The following LMNB2 variants were observed in gnomAD, a reference collection of about 807,000 sequenced individuals.
LMNB2 encodes lamin B2, also known as lamin-B2.
Under a neutral mutation model 69.3 loss-of-function variants are expected in LMNB2, and 17 were observed. That is an observed-to-expected ratio of 0.25 (90% CI 0.17 to 0.37). LMNB2 has a LOEUF of 0.37. LMNB2 is among the 10% of genes least tolerant of loss of function. The pLI is 1.00. For missense variants in LMNB2, 789 were observed against 883.6 expected, an observed-to-expected ratio of 0.89 and a Z score of 1.36; for synonymous variants, 397 against 389.3, an observed-to-expected ratio of 1.02 and a Z score of -0.23.
Position 2,428,255 on chromosome 19 carries a change from A to G in LMNB2, c.*2656T>C, listed in dbSNP as rs1050009. On this transcript the variant is annotated 3_prime_UTR_variant, in exon 12 of 12. Transcript: ENST00000325327. ...AATCATTGGAAAAAAAAAAGAACAC[A>G]TTAGGCATGCATCTTCTTAAAAACC... 0.043 allele frequency: 6,538 copies of G among 152,204 alleles called. 161 individuals carry two copies. The highest frequency in any genetic ancestry group is 0.051 in the Non-Finnish European group (3,460 of 68,004). The allele number at this position is 152,204 out of a possible 1,614,324, so 9.4% of individuals were successfully genotyped here.
intron 2 of LMNB2, among the ~76,000 whole-genome samples, chr19:2,439,475 C>T (rs1971868898): frequency 6.6e-6 from 1 of 152,138 alleles, no homozygotes; most frequent in South Asian, 2.1e-4. Flanking sequence ...CTGTCCCTGG[C>T]CTCCACCCAC....
In LMNB2 at chr19:2,453,151, C is replaced by G. The variant is rs572604088; in HGVS notation, c.264+3519G>C. 6.6e-6 allele frequency among the ~76,000 whole-genome samples: 1 copy of G among 152,208 alleles called. No individual in the cohort carries two copies. Among genetic ancestry groups the G allele is most frequent in the East Asian group, 1.9e-4 (1 of 5,182 alleles). ...TCTCGGGGCGCTGAGCAGTACCCAG[C>G]CTCCACCCACGCTGTGCCGATGCCG... On this transcript the variant is annotated intron_variant, in intron 1 of 11. Transcript: ENST00000325327. The surrounding 1 kb of genome is among the most constrained non-coding windows in gnomAD (Gnocchi z 4.4).
Position 2,430,681 on chromosome 19 carries a change from TGAG to T in LMNB2, c.*227_*229del. The T allele has an allele frequency of 1.6e-6, 1 of 608,770 alleles. No individual in the cohort carries two copies. The allele number at this position is 608,770 out of a possible 1,614,324, so 37.7% of individuals were successfully genotyped here. ...CTTCCAATTTGACCAAATGGTGAGA[TGAG>T]GAGTGGGGTGGGATTGAAAAGTCTC... is the stretch of plus-strand genomic sequence containing the variant. On this transcript the variant is annotated 3_prime_UTR_variant, in exon 12 of 12. Transcript: ENST00000325327.
In LMNB2 at chr19:2,437,969, C is replaced by T. The variant is rs543694520; in HGVS notation, c.684+194G>A. ...AGAGTATGGACACAGGGGAGGCAGC[C>T]GCGGGAAGACAGAGGCAGACACTGG... On this transcript the variant is annotated intron_variant, in intron 4 of 11. Transcript: ENST00000325327. 3.3e-5 allele frequency among the ~76,000 whole-genome samples: 5 copies of T among 152,200 alleles called. No homozygotes were observed. The South Asian group carries it at 6.2e-4, about 19-fold the overall frequency.
chr19:2,435,999 A>G (rs533815591), intron 4 of LMNB2, among the ~76,000 whole-genome samples: 1 of 152,188 alleles, frequency 6.6e-6, no homozygotes, highest in African/African-American at 2.4e-5. Context: ...AAATACAAAA[A>G]TTAGGCCGGG....
In LMNB2 at chr19:2,453,048, GGGGGCTGGGTCATCCTCAT is replaced by G. The variant is rs1282800798; in HGVS notation, c.264+3603_264+3621del. ...CTCGTGGGGGCTGGGTCATCCTCGT[GGGGGCTGGGTCATCCTCAT>G]GGGGCTGGGTCATCCTCGTGAGGGC... On this transcript the variant is annotated intron_variant, in intron 1 of 11. Coordinates refer to ENST00000325327, the MANE Select transcript of LMNB2 (RefSeq NM_032737.4). This position sits in a 1 kb window ranked among gnomAD's most constrained non-coding sequence, Gnocchi z 4.4. 4.3e-5 allele frequency among the ~76,000 whole-genome samples: 6 copies of G among 139,484 alleles called. No homozygotes were observed. Among genetic ancestry groups the G allele is most frequent in the South Asian group, 2.3e-4 (1 of 4,274 alleles). The allele number at this position is 139,484 out of a possible 152,430, so 91.5% of individuals were successfully genotyped here. A position where few individuals can be genotyped will look rare whatever the true frequency, so the allele number is the denominator to read the frequency against.
intron 1 of LMNB2, among the ~76,000 whole-genome samples, chr19:2,455,917 C>T (rs1355007556): frequency 6.6e-6 from 1 of 151,724 alleles, no homozygotes; most frequent in Admixed American, 6.6e-5. Flanking sequence ...GCACCCCTCA[C>T]TCAGGGACCC....
At chr19:2,434,566 C>A in intron 6 of LMNB2, 51 bp from the exon 7 acceptor site, 1 of 1,581,526 alleles carries the variant, frequency 6.3e-7, no homozygotes, top group East Asian at 2.3e-5. Flanking sequence ...GGTCACAAGG[C>A]CCAGGTGATC....
In LMNB2 at chr19:2,452,933, C is replaced by T. The variant is rs568231112; in HGVS notation, c.264+3737G>A. The stretch of plus-strand genomic sequence containing the variant: ...GGGGGATGGGTCATCCTCATGGGGG[C>T]TGCGTCATCCTCATGGGGGCTGGGT... On this transcript the variant is annotated intron_variant, in intron 1 of 11. Transcript: ENST00000325327. Among the ~76,000 whole-genome samples the T allele has an allele frequency of 4.9e-5, 7 of 141,496 alleles. No homozygotes were observed. The South Asian group carries it at 1.1e-3, about 23-fold the overall frequency. The allele number at this position is 141,496 out of a possible 152,430, so 92.8% of individuals were successfully genotyped here.
chr19:2,431,967 G>A, intron 9 of LMNB2, 65 bp from the exon 10 acceptor site: 1 of 1,553,994 alleles, frequency 6.4e-7, no homozygotes, highest in Non-Finnish European at 8.7e-7. Flanking sequence ...GGGCCAGCCA[G>A]TGGCCCCTAC....
chr19:2,434,617 A>G (rs1394846067), intron 6 of LMNB2, 102 bp from the exon 7 acceptor site: 12 of 1,510,892 alleles, frequency 7.9e-6, no homozygotes, highest in South Asian at 2.4e-5. Flanking sequence ...AGACTGGGGC[A>G]GAGACCAGGC....
In LMNB2 at chr19:2,447,505, C is replaced by T. The variant is rs539414942; in HGVS notation, c.265-2965G>A. 1.3e-4 allele frequency among the ~76,000 whole-genome samples: 20 copies of T among 152,276 alleles called. No individual in the cohort carries two copies. In the South Asian group the frequency reaches 4.2e-3, roughly 32 times the overall value. On this transcript the variant is annotated intron_variant, in intron 1 of 11. Transcript: ENST00000325327. The surrounding 1 kb of genome is among the most constrained non-coding windows in gnomAD (Gnocchi z 4.4). Reference sequence around the variant, plus strand: ...ATTGGACACATTGGTGGTGGCACAGCTGTGGAGATATGAAAACGCGAAACC... The same window carrying T: ...ATTGGACACATTGGTGGTGGCACAGTTGTGGAGATATGAAAACGCGAAACC...
intron 2 of LMNB2, among the ~76,000 whole-genome samples, chr19:2,440,022 G>GC (rs1157910806): frequency 3.9e-5 from 6 of 152,098 alleles, no homozygotes; most frequent in African/African-American, 1.4e-4. Flanking sequence ...GTGAACCACT[G>GC]CGCCTGGTCC....
chr19:2,442,130 A>G (rs1373412549), intron 2 of LMNB2, among the ~76,000 whole-genome samples: 1 of 152,030 alleles, frequency 6.6e-6, no homozygotes, highest in Non-Finnish European at 1.5e-5. Flanking sequence ...TGTTTCTCTC[A>G]TTGTGGGGTT....
chr19:2,429,401 C>T lies in LMNB2; in HGVS notation c.*1510G>A, dbSNP rs116370116. The T allele has an allele frequency of 0.017, 2,529 of 152,404 alleles. 52 individuals carry two copies. Among genetic ancestry groups the T allele is most frequent in the African/African-American group, 0.056 (2,320 of 41,582 alleles). The allele number at this position is 152,404 out of a possible 1,614,324, so 9.4% of individuals were successfully genotyped here. A position where few individuals can be genotyped will look rare whatever the true frequency, so the allele number is the denominator to read the frequency against. On this transcript the variant is annotated 3_prime_UTR_variant, in exon 12 of 12. Coordinates refer to ENST00000325327, the MANE Select transcript of LMNB2 (RefSeq NM_032737.4). ...TGCGCCCCCCTCTATCTACATGGGA[C>T]CGGGACTTCTGAGAGCAAGGACAGC...
intron 8 of LMNB2, 124 bp from the exon 9 acceptor site, chr19:2,432,647 C>T: frequency 1.3e-6 from 1 of 796,538 alleles, no homozygotes; most frequent in South Asian, 1.4e-5. Flanking sequence ...ACCCCATTAC[C>T]CCCATGCCCT....
In LMNB2 at chr19:2,456,744, C is replaced by T. The variant is rs1972095610; in HGVS notation, c.190G>A (p.Val64Ile). Residue 64 changes from valine to isoleucine, a missense_variant, in exon 1 of 12, where the codon GTC (valine) becomes ATC (isoleucine). Val to Ile is a conservative substitution (Grantham distance 29). This residue lies in a region of LMNB2 where 145 missense variants were observed against 228.9 expected (regional missense o/e 0.63). Transcript: ENST00000325327. Reference sequence around the variant, plus strand: ...TCGTTCTCCAGCTCCAGCGCGCGGACGCGGTCGATGTAGTGCGCCAGGCGG... The same window carrying T: ...TCGTTCTCCAGCTCCAGCGCGCGGATGCGGTCGATGTAGTGCGCCAGGCGG... ...NDRLAHYIDR[V>I]RALELENDRL... 1 of 1,564,524 alleles carries T rather than the reference C, an allele frequency of 6.4e-7. No individual in the cohort carries two copies. The highest frequency in any genetic ancestry group is 8.7e-7 in the Non-Finnish European group (1 of 1,155,794).
Position 2,430,900 on chromosome 19 carries a change from G to A in LMNB2, c.*11C>T. ...TGGGTAAAGAAAGGTGTGTGGATGA[G>A]GAGTGTGGGTTCACATCACGTAGCA... On this transcript the variant is annotated 3_prime_UTR_variant, in exon 12 of 12. Coordinates refer to ENST00000325327, the MANE Select transcript of LMNB2 (RefSeq NM_032737.4). The A allele has an allele frequency of 6.4e-7, 1 of 1,550,890 alleles. No homozygotes were observed. Among genetic ancestry groups the A allele is most frequent in the Non-Finnish European group, 8.9e-7 (1 of 1,122,456 alleles).
chr19:2,438,026 G>C, intron 4 of LMNB2, 137 bp downstream of exon 4: 1 of 1,310,800 alleles, frequency 7.6e-7, no homozygotes, highest in East Asian at 2.3e-5. Context: ...GGCACCCTAA[G>C]AGGCAGGAAG....
Sources: allele counts gnomAD v4.1 joint callset (sites outside exome capture counted in the v4.1 genomes callset), GRCh38; gene constraint gnomAD v4.1.1; regional missense constraint gnomAD v4.1.1; non-coding constraint Gnocchi (gnomAD v3.1); transcripts MANE v1.5; gene names NCBI Gene and HGNC (gene_info 2026-07-23, HGNC 2026-07-21).